The following ENOSF1 variants were observed in gnomAD, a reference collection of about 807,000 sequenced individuals.
ENOSF1 encodes the protein mitochondrial enolase superfamily member 1.
In ENOSF1, 73 loss-of-function variants were observed where a neutral mutation model predicts 68.2. That is an observed-to-expected ratio of 1.07 (90% CI 0.89 to 1.30). ENOSF1 has a LOEUF of 1.30. Among genes scored for constraint, ENOSF1 ranks in the 50% most tolerant of loss-of-function variants. The pLI is 0.00. For synonymous variants in ENOSF1, 223 were observed against 210.4 expected, an observed-to-expected ratio of 1.06 and a Z score of -0.52; for missense variants, 589 against 554.5, an observed-to-expected ratio of 1.06 and a Z score of -0.62.
intron 2 of ENOSF1, 128 bp downstream of exon 2, chr18:706,342 G>C (rs1043626385): frequency 2.9e-6 from 2 of 683,890 alleles, no homozygotes; most frequent in Admixed American, 2.4e-5. Context: ...ACTTTGAGCA[G>C]TGTAAATACA....
chr18:665,132 T>C, the ENOSF1 span, among the ~76,000 whole-genome samples: 1 of 148,498 alleles, frequency 6.7e-6, no homozygotes, highest in Non-Finnish European at 1.5e-5. Context: ...AATTCGGCTG[T>C]GAATCCATCT....
intron 12 of ENOSF1, 160 bp from the exon 13 acceptor site, chr18:678,032 G>T: frequency 1.2e-6 from 1 of 812,606 alleles, no homozygotes. Flanking sequence ...GGCATGAGGC[G>T]AGCTTTTATA....
At chr18:712,003 C>G (rs2079604753) in intron 1 of ENOSF1, among the ~76,000 whole-genome samples, 2 of 152,178 alleles carry the variant, frequency 1.3e-5, no homozygotes, top group South Asian at 4.1e-4. Flanking sequence ...GCGCCAACCC[C>G]GTCGCGTTCA....
rs1271442188 is a variant in ENOSF1 at position 675,421 on chromosome 18, A to G, written c.1149-19T>C. On this transcript the variant is annotated intron_variant, in intron 14 of 15. Coordinates refer to ENST00000647584, the MANE Select transcript of ENOSF1 (RefSeq NM_017512.7). ...ACACACCCTAGGAGGAGGGAATCAG[A>G]TCGGGGCAATGATGCCTGAAGTCAG... The G allele has an allele frequency of 6.2e-7, 1 of 1,603,394 alleles. No homozygotes were observed. The highest frequency in any genetic ancestry group is 2.2e-5 in the East Asian group (1 of 44,784).
rs1567998909 is a variant in ENOSF1, at chr18:673,289, T to C, written c.*1016A>G. 1 of 266,128 alleles carries C rather than the reference T, an allele frequency of 3.8e-6. No homozygotes were observed. The highest frequency in any genetic ancestry group is 5.6e-5 in the East Asian group (1 of 17,932). 16.5% of individuals were successfully genotyped at this position (266,128 alleles called of 1,614,324 possible). On this transcript the variant is annotated 3_prime_UTR_variant, in exon 16 of 16. Transcript: ENST00000647584. ...CTCTTAGCAAAAACATGTATGTGCA[T>C]TTCAATCCCACGTACTTATAAAGAA...
chr18:667,593 GGT>G (rs2074881362), downstream of ENOSF1: 3 of 103,708 alleles, frequency 2.9e-5, no homozygotes, highest in Admixed American at 8.7e-5. Context: ...TGATGGTGAT[GGT>G]GATGGTGATG....
chr18:695,632 A>G (rs568399509), intron 3 of ENOSF1, among the ~76,000 whole-genome samples: 6 of 152,264 alleles, frequency 3.9e-5, no homozygotes, highest in African/African-American at 1.2e-4. Context: ...AAAAGTACAG[A>G]CGGGGGTCTC....
At chr18:701,379 G>A (rs1264491160) in intron 2 of ENOSF1, among the ~76,000 whole-genome samples, 2 of 151,910 alleles carry the variant, frequency 1.3e-5, no homozygotes, top group East Asian at 1.9e-4. Context: ...GCCTGTGTGG[G>A]GACAGGGGTA....
intron 12 of ENOSF1, chr18:678,406 C>T: frequency 2.1e-6 from 1 of 469,148 alleles, no homozygotes; most frequent in Non-Finnish European, 3.8e-6. Flanking sequence ...TTCTTAAGAC[C>T]ATTTTCTGCC....
intron 2 of ENOSF1, among the ~76,000 whole-genome samples, chr18:703,146 A>G (rs1000103586): frequency 7.2e-5 from 11 of 152,200 alleles, no homozygotes; most frequent in Non-Finnish European, 1.3e-4. Flanking sequence ...CAAAAGAGTC[A>G]TTAATTAAAG....
chr18:712,306 C>A lies in ENOSF1; in HGVS notation c.84+198G>T. 16 of 1,489,786 alleles carry A rather than the reference C, an allele frequency of 1.1e-5. 4 individuals are homozygous for A. The highest frequency in any genetic ancestry group is 3.6e-5 in the South Asian group (3 of 82,582). The allele number at this position is 1,489,786 out of a possible 1,614,324, so 92.3% of individuals were successfully genotyped here. A position where few individuals can be genotyped will look rare whatever the true frequency, so the allele number is the denominator to read the frequency against. On this transcript the variant is annotated intron_variant, in intron 1 of 15. Transcript: ENST00000647584. The stretch of plus-strand genomic sequence containing the variant: ...CGAAGTCGGGAAGCTGCCCGGGGCC[C>A]GCAGAGCTGCAGTCGGCGGGGCGGG...
chr18:685,680 G>C (rs2076551947), intron 10 of ENOSF1, among the ~76,000 whole-genome samples: 1 of 152,178 alleles, frequency 6.6e-6, no homozygotes, highest in South Asian at 2.1e-4. Context: ...AGGTACATCT[G>C]TGTTAGTAAG....
At chr18:704,359 G>A (rs2145403382) in intron 2 of ENOSF1, among the ~76,000 whole-genome samples, 1 of 149,890 alleles carries the variant, frequency 6.7e-6, no homozygotes, top group South Asian at 2.1e-4. Context: ...AACCCGGGAG[G>A]TGGAGGTTGT....
In ENOSF1 at chr18:685,992, C is replaced by T. The variant is rs2076580922; in HGVS notation, c.670G>A (p.Gly224Ser). The change falls in exon 10 of 16, where the codon GGT becomes AGT. Residue 224 changes from glycine to serine, a missense_variant. Transcript: ENST00000647584. ...DGWTRFKVKV[G>S]ADLQDDMRRC... ...CGCATGTCATCCTGGAGATCAGCAC[C>T]CACCTTTACTTTAAACCTAGAAAAT... is the stretch of plus-strand genomic sequence containing the variant. 3 of 1,614,000 alleles carry T rather than the reference C, an allele frequency of 1.9e-6. No individual in the cohort carries two copies. Among genetic ancestry groups the T allele is most frequent in the Non-Finnish European group, 2.5e-6 (3 of 1,179,918 alleles).
At chr18:707,207 A>G (rs932218331) in intron 1 of ENOSF1, among the ~76,000 whole-genome samples, 1 of 152,174 alleles carries the variant, frequency 6.6e-6, no homozygotes, top group African/African-American at 2.4e-5. Context: ...AAATAAAAAA[A>G]TAGAGATGGA....
At chr18:700,710 C>G (rs1329912331) in intron 2 of ENOSF1, among the ~76,000 whole-genome samples, 1 of 151,702 alleles carries the variant, frequency 6.6e-6, no homozygotes, top group South Asian at 2.1e-4. Context: ...CATGGTGAAA[C>G]CCTGTCTCTA....
At chr18:669,068 A>G (rs772404897), downstream of ENOSF1, 1 of 1,612,238 alleles carries the variant, frequency 6.2e-7, no homozygotes. Context: ...TGACAATTCT[A>G]CAGATTATTC....
At chr18:708,302 A>G (rs1036709699) in intron 1 of ENOSF1, among the ~76,000 whole-genome samples, 3 of 152,162 alleles carry the variant, frequency 2.0e-5, no homozygotes, top group African/African-American at 7.2e-5. Flanking sequence ...CTGAGCATCA[A>G]GTACGTGTCA....
chr18:678,762 G>A, intron 11 of ENOSF1, 25 bp from the exon 12 acceptor site: 1 of 1,613,540 alleles, frequency 6.2e-7, no homozygotes, highest in Non-Finnish European at 8.5e-7. Context: ...GCAGCCTGGT[G>A]TTATTTTCCT....
Sources: gnomAD v4.1 joint callset for allele counts (sites outside exome capture counted in the v4.1 genomes callset) on GRCh38, gnomAD v4.1.1 for gene constraint, MANE v1.5 for transcripts, NCBI Gene and HGNC (gene_info 2026-07-23, HGNC 2026-07-21) for gene names.